The following UGT1A5 variants were observed in gnomAD, a reference collection of about 807,000 sequenced individuals.
The protein encoded by UGT1A5 is UDP-glucuronosyltransferase 1A5.
In UGT1A5, 29 loss-of-function variants were observed where a neutral mutation model predicts 40.3. The ratio of observed to expected loss-of-function variants is 0.72; its 90% CI spans 0.54 to 0.98. UGT1A5 has a LOEUF of 0.98. Ranked by LOEUF, UGT1A5 falls within the 50% of genes least tolerant of loss-of-function variation. UGT1A5 has a pLI of 0.00. For synonymous variants in UGT1A5, 257 were observed against 262.5 expected (o/e 0.98, Z 0.20); for missense variants, 678 against 677.9 (o/e 1.00, Z 0.00).
chr2:233,715,158 T>G (rs1299357923), intron 1 of UGT1A5, among the ~76,000 whole-genome samples: 2 of 152,186 alleles, frequency 1.3e-5, no homozygotes, highest in Admixed American at 6.5e-5. Context: ...AGTGCTGGAA[T>G]TACAGGCGCG....
intron 1 of UGT1A5, among the ~76,000 whole-genome samples, chr2:233,759,016 T>G (rs1226235816): frequency 6.6e-6 from 1 of 152,208 alleles, no homozygotes; most frequent in Non-Finnish European, 1.5e-5. Context: ...TTAATTGAAT[T>G]TGCTTATCTA....
chr2:233,743,205 G>A (rs1013981609), intron 1 of UGT1A5: 19 of 391,306 alleles, frequency 4.9e-5, no homozygotes, highest in South Asian at 9.4e-5. Flanking sequence ...GTGTCAATGC[G>A]GAGTAACTGC....
intron 1 of UGT1A5, among the ~76,000 whole-genome samples, chr2:233,745,590 G>A (rs565744032): frequency 1.3e-5 from 2 of 151,664 alleles, no homozygotes; most frequent in Admixed American, 6.5e-5. Context: ...CCTGAGACCC[G>A]GACTTGGCAC....
chr2:233,738,081 C>G (rs1343758433), intron 1 of UGT1A5, among the ~76,000 whole-genome samples: 1 of 152,154 alleles, frequency 6.6e-6, no homozygotes, highest in Non-Finnish European at 1.5e-5. Context: ...CTCCTAATCT[C>G]ATCATAGTGA....
chr2:233,724,238 G>A (rs2077193848), intron 1 of UGT1A5, among the ~76,000 whole-genome samples: 1 of 129,762 alleles, frequency 7.7e-6, no homozygotes, highest in African/African-American at 3.0e-5. Context: ...GGGGCGGCCG[G>A]GCAGAGGCGC....
intron 1 of UGT1A5, among the ~76,000 whole-genome samples, chr2:233,736,062 G>C (rs1463600658): frequency 6.6e-6 from 1 of 152,174 alleles, no homozygotes; most frequent in South Asian, 2.1e-4. Context: ...GGCCTGCCTT[G>C]CTAGGTTTGG....
At chr2:233,757,679 A>C (rs1462473576) in intron 1 of UGT1A5, among the ~76,000 whole-genome samples, 1 of 151,534 alleles carries the variant, frequency 6.6e-6, no homozygotes, top group African/African-American at 2.4e-5. Context: ...CAAGGAATTC[A>C]AGGGATTCAA....
chr2:233,759,224 T>C (rs1471050247), intron 1 of UGT1A5, among the ~76,000 whole-genome samples: 1 of 152,116 alleles, frequency 6.6e-6, no homozygotes, highest in Non-Finnish European at 1.5e-5. Flanking sequence ...TTTATGCAAA[T>C]GAAGGATGGA....
intron 1 of UGT1A5, among the ~76,000 whole-genome samples, chr2:233,746,488 T>C (rs978125229): frequency 6.6e-6 from 1 of 151,814 alleles, no homozygotes; most frequent in Non-Finnish European, 1.5e-5. Context: ...TCCATGGACA[T>C]GTCACTCTTT....
chr2:233,743,823 G>A, intron 1 of UGT1A5: 2 of 1,367,252 alleles, frequency 1.5e-6, no homozygotes, highest in Non-Finnish European at 2.0e-6. Flanking sequence ...TTTTTGTCGG[G>A]GTGCCACTTG....
intron 1 of UGT1A5, chr2:233,717,992 T>C: frequency 2.4e-6 from 1 of 424,356 alleles, no homozygotes; most frequent in Non-Finnish European, 4.7e-6. Flanking sequence ...ATTCAGACTG[T>C]GCAAGATCTG....
At chr2:233,741,911 A>C (rs909136076) in intron 1 of UGT1A5, 2 of 151,838 alleles carry the variant, frequency 1.3e-5, no homozygotes, top group African/African-American at 4.9e-5. Flanking sequence ...GTGATGGAAA[A>C]GGTCTTCATT....
At position 233,721,338 on chromosome 2, in the gene UGT1A5, A is replaced by C. The variant is rs569629539; in HGVS notation, c.867+7480A>C. On this transcript the variant is annotated intron_variant, in intron 1 of 4. Transcript: ENST00000373414. Reference sequence around the variant, plus strand: ...TCTTTTCTTGTGGTTTTTCACTATGAATATATTCTTTAGACTGAACTGCAC... The same window carrying C: ...TCTTTTCTTGTGGTTTTTCACTATGCATATATTCTTTAGACTGAACTGCAC... Among the ~76,000 whole-genome samples, 10 of 152,226 alleles carry C rather than the reference A, an allele frequency of 6.6e-5. No homozygotes were observed. The South Asian group carries it at 1.9e-3, about 28-fold the overall frequency.
chr2:233,721,622 A>G (rs2076958313), intron 1 of UGT1A5: 1 of 189,722 alleles, frequency 5.3e-6, no homozygotes, highest in Non-Finnish European at 1.1e-5. Flanking sequence ...GTTCCTTATC[A>G]GTAAAGATCA....
chr2:233,748,145 T>A, intron 1 of UGT1A5: 1 of 1,605,604 alleles, frequency 6.2e-7, no homozygotes, highest in Non-Finnish European at 8.5e-7. Flanking sequence ...TTGTATTTAC[T>A]TACAATTGCT....
chr2:233,764,256 T>A (rs367961142), intron 1 of UGT1A5, among the ~76,000 whole-genome samples: 39 of 152,260 alleles, frequency 2.6e-4, no homozygotes, highest in African/African-American at 9.4e-4. Context: ...TCAGTTAATA[T>A]GTTGCTTCAC....
intron 1 of UGT1A5, chr2:233,742,993 T>G: frequency 4.3e-6 from 1 of 231,186 alleles, no homozygotes; most frequent in Admixed American, 5.2e-5. Flanking sequence ...AATAGCAAAT[T>G]GCATACAGAT....
intron 1 of UGT1A5, among the ~76,000 whole-genome samples, chr2:233,746,704 G>A (rs1301844590): frequency 6.6e-6 from 1 of 151,714 alleles, no homozygotes; most frequent in African/African-American, 2.4e-5. Context: ...TAAATATTTG[G>A]TGGATAAGGG....
chr2:233,720,478 G>A (rs1452350529), intron 1 of UGT1A5, among the ~76,000 whole-genome samples: 1 of 152,164 alleles, frequency 6.6e-6, no homozygotes, highest in African/African-American at 2.4e-5. Flanking sequence ...GAATGGACAT[G>A]TGTCCAAGAA....
Sources: gnomAD v4.1 joint callset for allele counts (sites outside exome capture counted in the v4.1 genomes callset) on GRCh38, gnomAD v4.1.1 for gene constraint, MANE v1.5 for transcripts, NCBI Gene and HGNC (gene_info 2026-07-23, HGNC 2026-07-21) for gene names.